Variants in FBXO42 observed in about 807,000 individuals in gnomAD.
The protein encoded by FBXO42 is F-box protein 42.
FBXO42 carries 12 observed loss-of-function variants against 71.7 expected under a neutral mutation model. That is an observed-to-expected ratio of 0.17 (90% CI 0.11 to 0.27). The LOEUF (loss-of-function observed/expected upper bound fraction) is 0.27, where lower values mean the gene tolerates loss of function less well. FBXO42 is among the 10% of genes least tolerant of loss of function. FBXO42 has a pLI of 1.00. For missense variants in FBXO42, 707 were observed against 911.9 expected, an observed-to-expected ratio of 0.78 and a Z score of 2.89; for synonymous variants, 325 against 327.5, an observed-to-expected ratio of 0.99 and a Z score of 0.08.
intron 3 of FBXO42, among the ~76,000 whole-genome samples, chr1:16,303,251 G>C (rs2082215201): frequency 6.6e-6 from 1 of 152,172 alleles, no homozygotes; most frequent in Admixed American, 6.6e-5. Context: ...GCTGAAGCTT[G>C]CTGACGGAAG....
chr1:16,312,263 G>A (rs180959267), intron 2 of FBXO42, among the ~76,000 whole-genome samples: 72 of 152,264 alleles, frequency 4.7e-4, no homozygotes, highest in African/African-American at 1.6e-3. Context: ...TCTGGTGGCT[G>A]AGGAGGGAAG....
intron 4 of FBXO42, among the ~76,000 whole-genome samples, chr1:16,261,433 T>C (rs879764316): frequency 3.3e-5 from 5 of 152,214 alleles, no homozygotes; most frequent in African/African-American, 7.2e-5. Context: ...TTTTATCTCA[T>C]GAAGTTGGAG....
At chr1:16,332,742 T>C (rs1248119274) in intron 1 of FBXO42, among the ~76,000 whole-genome samples, 1 of 152,098 alleles carries the variant, frequency 6.6e-6, no homozygotes, top group Non-Finnish European at 1.5e-5. Context: ...AGTTTCACCA[T>C]GTTGGTCAGG....
intron 2 of FBXO42, among the ~76,000 whole-genome samples, chr1:16,312,637 G>A (rs1008409536): frequency 6.6e-6 from 1 of 152,042 alleles, no homozygotes; most frequent in Admixed American, 6.6e-5. Context: ...ACAACACCAA[G>A]CATGAACATT....
intron 4 of FBXO42, among the ~76,000 whole-genome samples, chr1:16,270,461 C>T (rs540537153): frequency 3.2e-4 from 49 of 152,014 alleles, no homozygotes; most frequent in Non-Finnish European, 4.9e-4. Flanking sequence ...AAAATAATTC[C>T]CAAGGGAAGA....
chr1:16,304,964 CA>C (rs1203374593), intron 3 of FBXO42, among the ~76,000 whole-genome samples: 4 of 151,140 alleles, frequency 2.6e-5, no homozygotes, highest in African/African-American at 9.7e-5. Flanking sequence ...GACTCTGTCT[CA>C]AAAAAAAGAA....
At chr1:16,349,864 C>A (rs1052937648) in intron 1 of FBXO42, among the ~76,000 whole-genome samples, 55 of 152,134 alleles carry the variant, frequency 3.6e-4, no homozygotes, top group African/African-American at 1.3e-3. Flanking sequence ...TCTCAAAAAA[C>A]AAACAAAAAG....
chr1:16,264,388 A>G (rs558463408), intron 4 of FBXO42, among the ~76,000 whole-genome samples: 1 of 152,368 alleles, frequency 6.6e-6, no homozygotes, highest in Admixed American at 6.5e-5. Flanking sequence ...CTGCTCCTGC[A>G]AGAACACTTA....
rs1362470759 is a variant in FBXO42, at chr1:16,252,208, T to C, written c.1038+80A>G. 2.8e-6 allele frequency: 3 copies of C among 1,084,168 alleles called. No individual in the cohort carries two copies. Among genetic ancestry groups the C allele is most frequent in the Non-Finnish European group, 4.2e-6 (3 of 716,080 alleles). The allele number at this position is 1,084,168 out of a possible 1,614,324, so 67.2% of individuals were successfully genotyped here. Reference sequence around the variant, plus strand: ...GGTGTTTTCTATTTTTGTACAAATTTCTTTGTAACCTGACAAAGTAATGTG... The same window carrying C: ...GGTGTTTTCTATTTTTGTACAAATTCCTTTGTAACCTGACAAAGTAATGTG... On this transcript the variant is annotated intron_variant, in intron 9 of 9. Transcript: ENST00000375592. The surrounding 1 kb of genome is among the most constrained non-coding windows in gnomAD (Gnocchi z 4.4).
intron 4 of FBXO42, among the ~76,000 whole-genome samples, chr1:16,264,791 A>C (rs941572395): frequency 1.4e-4 from 21 of 152,244 alleles, no homozygotes; most frequent in Admixed American, 5.2e-4. Context: ...CAACAGAACT[A>C]ACATTCCCTA....
intron 4 of FBXO42, among the ~76,000 whole-genome samples, chr1:16,264,793 C>T (rs1310501969): frequency 6.6e-6 from 1 of 152,226 alleles, no homozygotes; most frequent in Non-Finnish European, 1.5e-5. Flanking sequence ...ACAGAACTAA[C>T]ATTCCCTAAA....
At chr1:16,343,484 T>C (rs1290371915) in intron 1 of FBXO42, among the ~76,000 whole-genome samples, 1 of 151,992 alleles carries the variant, frequency 6.6e-6, no homozygotes, top group Non-Finnish European at 1.5e-5. Flanking sequence ...AGGGAGAGGT[T>C]GTAGTAAGCA....
At position 16,252,391 on chromosome 1, in the gene FBXO42, G is replaced by C; in HGVS notation, c.935C>G (p.Ala312Gly). The change falls in exon 9 of 10, where the codon GCT (alanine) becomes GGT (glycine). Residue 312 changes from alanine (A) to glycine (G), a missense_variant. Physicochemically the swap from Ala to Gly is moderately conservative, Grantham distance 60. Transcript: ENST00000375592. The surrounding 1 kb of genome is among the most constrained non-coding windows in gnomAD (Gnocchi z 4.4). ...ACCAGAATGCATGTGCAACAACCAA[G>C]CATCCTTGAATAGCTGTAAGAGAAA... ...CGGPNALFKD[A>G]WLLHMHSGPW... is the part of the protein sequence containing the mutation. The C allele has an allele frequency of 6.2e-7, 1 of 1,613,918 alleles. No individual in the cohort carries two copies. Among genetic ancestry groups the C allele is most frequent in the Non-Finnish European group, 8.5e-7 (1 of 1,179,924 alleles).
Position 16,271,082 on chromosome 1 carries a change from G to A in FBXO42, c.503-14323C>T, listed in dbSNP as rs576192216. On this transcript the variant is annotated intron_variant, in intron 4 of 9. Transcript: ENST00000375592. Reference sequence around the variant, plus strand: ...AAGGAGAGAGTCACAAGGACATGCAGGAAGAGTGTTCCAGGCAGAAATAGC... The same window carrying A: ...AAGGAGAGAGTCACAAGGACATGCAAGAAGAGTGTTCCAGGCAGAAATAGC... Among the ~76,000 whole-genome samples the A allele has an allele frequency of 5.9e-5, 9 of 152,234 alleles. No homozygotes were observed. In the South Asian group the frequency reaches 1.9e-3, roughly 32 times the overall value.
intron 4 of FBXO42, among the ~76,000 whole-genome samples, chr1:16,290,709 G>A (rs1389347696): frequency 1.3e-5 from 2 of 151,376 alleles, no homozygotes; most frequent in African/African-American, 2.4e-5. Context: ...CACAAGAGAT[G>A]CCAGAGCTCA....
In FBXO42 at chr1:16,315,229, G is replaced by C. The variant is rs1018319259; in HGVS notation, c.190C>G (p.Pro64Ala). ...VLEYILSFLSPYQEHKTAALV... is the reference protein window; with the variant it reads ...VLEYILSFLSAYQEHKTAALV... ...GCCGCAGTTTTGTGTTCCTGATACGGTGAGAGAAAGGACAGGATATACTCC... is the reference window on the plus strand; with the variant it reads ...GCCGCAGTTTTGTGTTCCTGATACGCTGAGAGAAAGGACAGGATATACTCC... The change falls in exon 2 of 10, where the codon CCG becomes GCG. Residue 64 changes from proline to alanine, a missense_variant. Pro to Ala is a conservative substitution (Grantham distance 27). This residue lies in a region of FBXO42 where 188 missense variants were observed against 230.5 expected (regional missense o/e 0.82). Coordinates refer to ENST00000375592, the MANE Select transcript of FBXO42 (RefSeq NM_018994.3). 3.1e-6 allele frequency: 5 copies of C among 1,614,032 alleles called. No individual in the cohort carries two copies. Among genetic ancestry groups the C allele is most frequent in the African/African-American group, 1.3e-5 (1 of 74,932 alleles).
rs112879543 is a variant in FBXO42, at chr1:16,270,608, G to A, written c.503-13849C>T. Among the ~76,000 whole-genome samples the A allele has an allele frequency of 6.0e-3, 880 of 146,610 alleles. 10 individuals carry two copies. The highest frequency in any genetic ancestry group is 0.021 in the African/African-American group (835 of 39,354). On this transcript the variant is annotated intron_variant, in intron 4 of 9. Transcript: ENST00000375592. ...AATCCCAGCACTTTGTGAGGCTGAG[G>A]TGGGAAGATTACTTGAGGCCAGGAA...
chr1:16,271,628 T>A (rs1311501533), intron 4 of FBXO42, among the ~76,000 whole-genome samples: 3 of 152,122 alleles, frequency 2.0e-5, no homozygotes, highest in Non-Finnish European at 2.9e-5. Context: ...CCCTCACATA[T>A]CCTGGCTCAG....
intron 1 of FBXO42, among the ~76,000 whole-genome samples, chr1:16,338,974 C>T (rs777601779): frequency 4.0e-5 from 6 of 151,894 alleles, no homozygotes; most frequent in Non-Finnish European, 7.4e-5. Flanking sequence ...TCACCCCCGG[C>T]TAATTTCTGT....
Sources: allele counts gnomAD v4.1 joint callset (sites outside exome capture counted in the v4.1 genomes callset), GRCh38; gene constraint gnomAD v4.1.1; regional missense constraint gnomAD v4.1.1; non-coding constraint Gnocchi (gnomAD v3.1); transcripts MANE v1.5; gene names NCBI Gene and HGNC (gene_info 2026-07-23, HGNC 2026-07-21).